The following UTP6 variants were observed in gnomAD, a reference collection of about 807,000 sequenced individuals.
UTP6 encodes the protein UTP6 small subunit processome component.
In UTP6, 60 loss-of-function variants were observed where a neutral mutation model predicts 96.5. The ratio of observed to expected loss-of-function variants is 0.62; its 90% confidence interval spans 0.51 to 0.77. The LOEUF (loss-of-function observed/expected upper bound fraction) is 0.77. Among genes scored for constraint, UTP6 ranks in the 30% least tolerant of loss-of-function variants. The pLI is 0.00. For synonymous variants in UTP6, 215 were observed against 240.1 expected (o/e 0.90, Z 0.96); for missense variants, 637 against 706.5 (o/e 0.90, Z 1.12).
In UTP6 at chr17:31,863,220, ATAAAAT is replaced by A; in HGVS notation, c.*133_*138del. The stretch of plus-strand genomic sequence containing the variant: ...TTTTAAAAAGATTTAACAAGTTAAC[ATAAAAT>A]TAAAGTGTGTCTCAAAACCAGACAG... On this transcript the variant is annotated 3_prime_UTR_variant, in exon 19 of 19. Transcript: ENST00000261708. 1 of 891,468 alleles carries A rather than the reference ATAAAAT, an allele frequency of 1.1e-6. No individual in the cohort carries two copies. The highest frequency in any genetic ancestry group is 1.7e-6 in the Non-Finnish European group (1 of 577,980). The allele number at this position is 891,468 out of a possible 1,614,324, so 55.2% of individuals were successfully genotyped here.
At chr17:31,878,929 C>T in intron 11 of UTP6, 148 bp from the exon 12 acceptor site, 1 of 709,842 alleles carries the variant, frequency 1.4e-6, no homozygotes, top group Non-Finnish European at 2.3e-6. Context: ...TTAAATCAGC[C>T]TGATTTTAAG....
intron 4 of UTP6, 97 bp from the exon 5 acceptor site, chr17:31,892,891 G>A (rs1444039556): frequency 1.4e-6 from 2 of 1,408,950 alleles, no homozygotes; most frequent in African/African-American, 1.4e-5. Flanking sequence ...GCAAATTTCA[G>A]GTTGGATGCG....
At position 31,873,747 on chromosome 17, in the gene UTP6, G is replaced by A. The variant is rs1910328689; in HGVS notation, c.1312C>T (p.Leu438=). 24 of 1,608,822 alleles carry A rather than the reference G, an allele frequency of 1.5e-5. No individual in the cohort carries two copies. Among genetic ancestry groups the A allele is most frequent in the Non-Finnish European group, 2.0e-5 (24 of 1,179,046 alleles). ...AFVHLKPQVC[L]PLWISWAEWS... Reference sequence around the variant, plus strand: ...TCTGCCCAGGAAATCCACAATGGCAGACAAACCTACTCCCAGTTTAAAAAA... The same window carrying A: ...TCTGCCCAGGAAATCCACAATGGCAAACAAACCTACTCCCAGTTTAAAAAA... Residue 438 remains leucine, a synonymous_variant, in exon 15 of 19, where the codon CTG becomes TTG. Transcript: ENST00000261708.
intron 12 of UTP6, 138 bp from the exon 13 acceptor site, chr17:31,878,465 T>C (rs1910627134): frequency 2.3e-6 from 2 of 887,510 alleles, no homozygotes; most frequent in Non-Finnish European, 3.5e-6. Flanking sequence ...GTTTCACTTA[T>C]GAATAGATGC....
chr17:31,880,694 T>A lies in UTP6; in HGVS notation c.846A>T (p.Leu282Phe), dbSNP rs147328342. 2.6e-5 allele frequency: 42 copies of A among 1,614,190 alleles called. No homozygotes were observed. In the East Asian group the frequency reaches 9.1e-4, roughly 35 times the overall value. The change falls in exon 11 of 19, where the codon TTA (leucine) becomes TTT (phenylalanine). Residue 282 changes from leucine (L) to phenylalanine (F), a missense_variant. Transcript: ENST00000261708. ...LTWDYVARRELEIESQTEEQP... is the reference protein window; with the variant it reads ...LTWDYVARREFEIESQTEEQP... ...GCTCTTCTGTCTGTGACTCAATCTCTAATTCTCGCCTTGCCACATAATCCC... is the reference window on the plus strand; with the variant it reads ...GCTCTTCTGTCTGTGACTCAATCTCAAATTCTCGCCTTGCCACATAATCCC...
At chr17:31,868,135 T>G (rs558304512) in intron 16 of UTP6, 23 bp from the exon 17 acceptor site, 1 of 1,605,474 alleles carries the variant, frequency 6.2e-7, no homozygotes, top group East Asian at 2.2e-5. Context: ...GAGAAAACGT[T>G]ATCTTCAACA....
At chr17:31,875,884 T>G (rs982982952) in intron 13 of UTP6, among the ~76,000 whole-genome samples, 2 of 151,800 alleles carry the variant, frequency 1.3e-5, no homozygotes, top group Admixed American at 6.6e-5. Context: ...CAAAACAAAT[T>G]TTCCATGGCT....
At chr17:31,901,308 C>G in intron 1 of UTP6, 1 of 539,264 alleles carries the variant, frequency 1.9e-6, no homozygotes. Flanking sequence ...GCCCTAAGAC[C>G]CGGCTCCATG....
intron 5 of UTP6, 39 bp from the exon 6 acceptor site, chr17:31,892,362 A>G (rs765414049): frequency 1.3e-6 from 2 of 1,577,406 alleles, no homozygotes; most frequent in Middle Eastern, 1.7e-4. Flanking sequence ...CTGCACAGAT[A>G]AATCATTGAT....
At chr17:31,890,615 G>GTC (rs1431915881) in intron 6 of UTP6, among the ~76,000 whole-genome samples, 2 of 143,174 alleles carry the variant, frequency 1.4e-5, no homozygotes, top group Non-Finnish European at 1.5e-5. Flanking sequence ...AAGACTCCAT[G>GTC]TCAAAAAAAA....
intron 16 of UTP6, among the ~76,000 whole-genome samples, chr17:31,871,988 GT>G (rs1169595343): frequency 1.3e-5 from 2 of 152,026 alleles, no homozygotes; most frequent in Non-Finnish European, 2.9e-5. Context: ...GAGGTCAGGA[GT>G]TCGAGACCAG....
chr17:31,880,622 C>T lies in UTP6; in HGVS notation c.918G>A (p.Glu306=). 1 of 1,614,110 alleles carries T rather than the reference C, an allele frequency of 6.2e-7. No homozygotes were observed. The highest frequency in any genetic ancestry group is 8.5e-7 in the Non-Finnish European group (1 of 1,180,014). ...QAKAVEVGRK[E]ERCCAVYEEA... is the part of the protein sequence containing the mutation. ...CTTCATACACAGCACAGCACCTCTC[C>T]TCCTTCCGGCCGACCTCCACTGCTT... is the stretch of plus-strand genomic sequence containing the variant. The change falls in exon 11 of 19, where the codon GAG becomes GAA. Residue 306 remains glutamate, a synonymous_variant. Transcript: ENST00000261708.
At chr17:31,876,995 G>C (rs576644457) in intron 13 of UTP6, among the ~76,000 whole-genome samples, 1 of 152,166 alleles carries the variant, frequency 6.6e-6, no homozygotes, top group Non-Finnish European at 1.5e-5. Context: ...CTGGGTGACA[G>C]AGCAAGACTC....
intron 7 of UTP6, chr17:31,887,573 A>C: frequency 2.9e-6 from 1 of 341,226 alleles, no homozygotes; most frequent in South Asian, 4.1e-5. Context: ...CCTGGCCTGA[A>C]ACAACTGACC....
Position 31,899,720 on chromosome 17 carries a change from T to C in UTP6, c.103A>G (p.Lys35Glu), listed in dbSNP as rs1324353190. 2 of 1,597,148 alleles carry C rather than the reference T, an allele frequency of 1.3e-6. No homozygotes were observed. The highest frequency in any genetic ancestry group is 1.7e-6 in the Non-Finnish European group (2 of 1,171,990). Residue 35 changes from lysine (K) to glutamate (E), a missense_variant, in exon 2 of 19, where the codon AAG (lysine) becomes GAG (glutamate). Transcript: ENST00000261708. ...FSHAEIKAII[K>E]KASDLEYKIQ... The stretch of plus-strand genomic sequence containing the variant: ...TTGTACTCTAGATCGGAAGCCTTCT[T>C]AATGATAGCCCTGAGGAGAAAGCCA...
chr17:31,888,117 G>A (rs1037489454), intron 7 of UTP6: 1 of 151,966 alleles, frequency 6.6e-6, no homozygotes, highest in African/African-American at 2.4e-5. Context: ...CCATCCATAA[G>A]GGAGTAAGTC....
intron 7 of UTP6, chr17:31,888,119 G>T (rs1458901086): frequency 6.6e-6 from 1 of 151,936 alleles, no homozygotes; most frequent in Non-Finnish European, 1.5e-5. Flanking sequence ...ATCCATAAGG[G>T]AGTAAGTCCC....
intron 10 of UTP6, among the ~76,000 whole-genome samples, chr17:31,883,932 G>A (rs1033297045): frequency 1.3e-5 from 2 of 151,760 alleles, no homozygotes; most frequent in African/African-American, 4.8e-5. Context: ...GCCTCCCAAA[G>A]TACTGGGATC....
At chr17:31,884,400 C>T (rs1340188005) in intron 10 of UTP6, 24 bp downstream of exon 10, 1 of 1,557,242 alleles carries the variant, frequency 6.4e-7, no homozygotes, top group Admixed American at 1.8e-5. Flanking sequence ...TAGATATATT[C>T]ACCTTTCTAC....
Sources: gnomAD v4.1 joint callset for allele counts (sites outside exome capture counted in the v4.1 genomes callset) on GRCh38, gnomAD v4.1.1 for gene constraint, MANE v1.5 for transcripts, NCBI Gene and HGNC (gene_info 2026-07-23, HGNC 2026-07-21) for gene names.